The following DSCAM variants were observed in gnomAD, a reference collection of about 807,000 sequenced individuals.
DSCAM encodes cell adhesion molecule DSCAM.
Under a neutral mutation model 217.7 loss-of-function variants are expected in DSCAM, and 47 were observed. That is an observed-to-expected ratio of 0.22 (90% confidence interval 0.17 to 0.28). DSCAM has a LOEUF of 0.28. Ranked by LOEUF, DSCAM falls within the 10% of genes least tolerant of loss-of-function variation. DSCAM has a pLI of 1.00. For synonymous variants in DSCAM, 1,056 were observed against 1,015.3 expected (o/e 1.04, Z -0.76); for missense variants, 2,080 against 2,618.3 (o/e 0.79, Z 4.49).
chr21:40,578,829 T>A (rs542573035), intron 3 of DSCAM, among the ~76,000 whole-genome samples: 1 of 152,126 alleles, frequency 6.6e-6, no homozygotes, highest in East Asian at 1.9e-4. Flanking sequence ...TCCCTGGGAA[T>A]GGGGATACAT....
At chr21:40,028,566 A>T (rs1029816064) in intron 32 of DSCAM, among the ~76,000 whole-genome samples, 10 of 152,154 alleles carry the variant, frequency 6.6e-5, no homozygotes, top group African/African-American at 2.4e-4. Flanking sequence ...CCATGTTTTA[A>T]GCCCGTCAGA....
At chr21:40,712,291 G>A (rs535690116) in intron 1 of DSCAM, among the ~76,000 whole-genome samples, 288 of 151,824 alleles carry the variant, frequency 1.9e-3, no homozygotes, top group Non-Finnish European at 3.5e-3. Context: ...GTGAAACCCC[G>A]TCTCTACTAA....
intron 1 of DSCAM, among the ~76,000 whole-genome samples, chr21:40,746,350 A>G (rs1040456094): frequency 6.8e-6 from 1 of 146,950 alleles, no homozygotes; most frequent in African/African-American, 2.5e-5. Context: ...AGAGATGGAA[A>G]AAAGATATTC....
intron 16 of DSCAM, among the ~76,000 whole-genome samples, chr21:40,163,106 C>A (rs544888755): frequency 6.6e-6 from 1 of 151,276 alleles, no homozygotes; most frequent in South Asian, 2.1e-4. Context: ...CACACACACA[C>A]AAGCATGCAC....
intron 4 of DSCAM, among the ~76,000 whole-genome samples, chr21:40,364,228 C>T (rs566182887): frequency 1.1e-3 from 166 of 152,202 alleles, no homozygotes; most frequent in Middle Eastern, 3.4e-3. Flanking sequence ...CACATGCACA[C>T]GTATGTTTAT....
At chr21:40,651,974 G>A (rs1480553837) in intron 3 of DSCAM, among the ~76,000 whole-genome samples, 1 of 152,100 alleles carries the variant, frequency 6.6e-6, no homozygotes, top group Non-Finnish European at 1.5e-5. Context: ...TTTCTCTGCT[G>A]GCCCCACCTG....
At chr21:40,272,817 G>GA (rs1221224565) in intron 11 of DSCAM, among the ~76,000 whole-genome samples, 2 of 152,096 alleles carry the variant, frequency 1.3e-5, no homozygotes, top group African/African-American at 4.8e-5. Context: ...ACAGAAAGGG[G>GA]AGAGTACTTA....
chr21:40,129,810 A>G (rs998204017), intron 19 of DSCAM, among the ~76,000 whole-genome samples: 1 of 152,180 alleles, frequency 6.6e-6, no homozygotes, highest in Admixed American at 6.5e-5. Flanking sequence ...GTGTGGTCAC[A>G]TAGTCACCCC....
At chr21:40,020,395 AC>A (rs1292153041) in intron 32 of DSCAM, among the ~76,000 whole-genome samples, 5 of 152,142 alleles carry the variant, frequency 3.3e-5, no homozygotes, top group Non-Finnish European at 5.9e-5. Context: ...TTGTGCTAAA[AC>A]TTCTATCCAC....
intron 32 of DSCAM, among the ~76,000 whole-genome samples, 197 bp downstream of exon 32, chr21:40,042,174 A>G (rs755993779): frequency 6.6e-6 from 1 of 152,146 alleles, no homozygotes; most frequent in Non-Finnish European, 1.5e-5. Flanking sequence ...TCCCGCCCAA[A>G]TTTCAGATTC....
intron 3 of DSCAM, among the ~76,000 whole-genome samples, chr21:40,516,304 C>A (rs572180803): frequency 6.6e-6 from 1 of 152,070 alleles, no homozygotes; most frequent in South Asian, 2.1e-4. Context: ...ATCTGGTGCC[C>A]CTGGGGTGAA....
intron 20 of DSCAM, among the ~76,000 whole-genome samples, chr21:40,113,594 T>A (rs2089928398): frequency 6.6e-6 from 1 of 152,140 alleles, no homozygotes; most frequent in Non-Finnish European, 1.5e-5. Flanking sequence ...ATAAAGGGTA[T>A]TCAAGTAGGA....
intron 3 of DSCAM, among the ~76,000 whole-genome samples, chr21:40,485,295 TGC>T (rs2076016848): frequency 2.0e-5 from 3 of 146,732 alleles, no homozygotes; most frequent in Non-Finnish European, 4.5e-5. Flanking sequence ...CTGGAGTGAG[TGC>T]AGTGGCGCGA....
At chr21:40,444,634 A>AT (rs1431842647) in intron 3 of DSCAM, among the ~76,000 whole-genome samples, 4 of 152,244 alleles carry the variant, frequency 2.6e-5, no homozygotes, top group African/African-American at 9.6e-5. Flanking sequence ...ATAGCATAAA[A>AT]TATTTACAAA....
intron 3 of DSCAM, among the ~76,000 whole-genome samples, chr21:40,537,983 T>C (rs1344398119): frequency 6.6e-6 from 1 of 152,206 alleles, no homozygotes; most frequent in Admixed American, 6.5e-5. Context: ...AATTCATCTC[T>C]GGATCTCAGA....
chr21:40,014,500 T>C (rs866195897), intron 32 of DSCAM, among the ~76,000 whole-genome samples: 1 of 152,190 alleles, frequency 6.6e-6, no homozygotes, highest in Non-Finnish European at 1.5e-5. Context: ...TGCAAGCCAA[T>C]GACAAGCGTG....
At chr21:40,248,373 C>A (rs1272106169) in intron 11 of DSCAM, among the ~76,000 whole-genome samples, 1 of 152,186 alleles carries the variant, frequency 6.6e-6, no homozygotes, top group East Asian at 1.9e-4. Flanking sequence ...TTTAACAGCA[C>A]CCAAGTCATC....
At chr21:40,577,702 G>T (rs2076865141) in intron 3 of DSCAM, among the ~76,000 whole-genome samples, 1 of 152,094 alleles carries the variant, frequency 6.6e-6, no homozygotes, top group Non-Finnish European at 1.5e-5. Context: ...GAAAGGGGAG[G>T]GGGGTCTAGT....
intron 3 of DSCAM, among the ~76,000 whole-genome samples, chr21:40,433,580 C>T (rs1321027322): frequency 1.3e-5 from 2 of 152,124 alleles, no homozygotes; most frequent in Non-Finnish European, 2.9e-5. Context: ...ACACTGTTGG[C>T]GGATGGCAGA....
Sources: gnomAD v4.1 joint callset for allele counts (sites outside exome capture counted in the v4.1 genomes callset) on GRCh38, gnomAD v4.1.1 for gene constraint, MANE v1.5 for transcripts, NCBI Gene and HGNC (gene_info 2026-07-23, HGNC 2026-07-21) for gene names.